The following PDZD2 variants were observed in gnomAD, a reference collection of about 807,000 sequenced individuals.
PDZD2 encodes PDZ domain containing 2.
In PDZD2, 90 loss-of-function variants were observed where a neutral mutation model predicts 220.7. That is an observed-to-expected ratio of 0.41 (90% CI 0.34 to 0.49). The LOEUF (loss-of-function observed/expected upper bound fraction) is 0.49, where lower values mean the gene tolerates loss of function less well. Among genes scored for constraint, PDZD2 ranks in the 20% least tolerant of loss-of-function variants. The pLI is 0.28. For missense variants in PDZD2, 3,174 were observed against 3,608.5 expected (o/e 0.88, Z 3.08); for synonymous variants, 1,375 against 1,450.5 (o/e 0.95, Z 1.18).
intron 2 of PDZD2, among the ~76,000 whole-genome samples, chr5:31,940,632 T>TTTG (rs1233868978): frequency 3.3e-5 from 5 of 152,248 alleles, no homozygotes; most frequent in African/African-American, 4.8e-5. Context: ...GGTTGTCAGG[T>TTTG]AGCCTAAAGC....
chr5:32,008,970 G>A (rs546880779), intron 5 of PDZD2, among the ~76,000 whole-genome samples: 1 of 152,224 alleles, frequency 6.6e-6, no homozygotes, highest in African/African-American at 2.4e-5. Context: ...GGTTTGGAAG[G>A]CAGTATGGCA....
In PDZD2 at chr5:31,986,522, C is replaced by T. The variant is rs147789485; in HGVS notation, c.978+2866C>T. 4.4e-3 allele frequency among the ~76,000 whole-genome samples: 662 copies of T among 152,150 alleles called. 3 individuals carry two copies. Among genetic ancestry groups the T allele is most frequent in the African/African-American group, 0.015 (627 of 41,492 alleles). Reference sequence around the variant, plus strand: ...ATTCTGATGGCACCAAAATTGGAACCAATAGACCTTCATACAAGATTGTTT... The same window carrying T: ...ATTCTGATGGCACCAAAATTGGAACTAATAGACCTTCATACAAGATTGTTT... On this transcript the variant is annotated intron_variant, in intron 3 of 24. Coordinates refer to ENST00000438447, the MANE Select transcript of PDZD2 (RefSeq NM_178140.4).
At chr5:31,990,185 G>A (rs927191744) in intron 3 of PDZD2, among the ~76,000 whole-genome samples, 14 of 152,308 alleles carry the variant, frequency 9.2e-5, no homozygotes, top group Admixed American at 5.9e-4. Context: ...ATGGGGCAAA[G>A]TTGCTGTTAT....
At position 32,059,420 on chromosome 5, in the gene PDZD2, G is replaced by A. The variant is rs770067076; in HGVS notation, c.2318+64G>A. The A allele has an allele frequency of 3.8e-6, 3 of 798,544 alleles. No individual in the cohort carries two copies. In the African/African-American group the frequency reaches 5.2e-5, roughly 14 times the overall value. 49.5% of individuals were successfully genotyped at this position (798,544 alleles called of 1,614,324 possible). On this transcript the variant is annotated intron_variant, in intron 13 of 24. Coordinates refer to ENST00000438447, the MANE Select transcript of PDZD2 (RefSeq NM_178140.4). ...TCATAAATATGAAATATACACGTGTGATATTTGTTCTATTACTTCCCTTTG... is the reference window on the plus strand; with the variant it reads ...TCATAAATATGAAATATACACGTGTAATATTTGTTCTATTACTTCCCTTTG...
intron 21 of PDZD2, among the ~76,000 whole-genome samples, chr5:32,093,360 C>G (rs893853545): frequency 6.6e-6 from 1 of 152,134 alleles, no homozygotes; most frequent in Admixed American, 6.5e-5. Flanking sequence ...TCGGAAATAC[C>G]TCTCGCCACC....
chr5:31,696,136 G>C (rs1747367474), intron 1 of PDZD2, among the ~76,000 whole-genome samples: 2 of 152,106 alleles, frequency 1.3e-5, no homozygotes, highest in Non-Finnish European at 2.9e-5. Context: ...GGAATAGTGA[G>C]AGAAAGGTCC....
chr5:32,024,674 C>T lies in PDZD2; in HGVS notation c.1408-12557C>T, dbSNP rs191238170. Among the ~76,000 whole-genome samples, 6 of 52,726 alleles carry T rather than the reference C, an allele frequency of 1.1e-4. No homozygotes were observed. The East Asian group carries it at 1.8e-3, about 16-fold the overall frequency. The allele number at this position is 52,726 out of a possible 152,430, so 34.6% of individuals were successfully genotyped here. A position where few individuals can be genotyped will look rare whatever the true frequency, so the allele number is the denominator to read the frequency against. On this transcript the variant is annotated intron_variant, in intron 6 of 24. Transcript: ENST00000438447. ...CTCCAGCCTAGGCGACAGGGCAAGA[C>T]TTCATCTCAAAAAAAAAAAGAAAGA...
At chr5:32,100,174 T>A (rs1323162470) in intron 23 of PDZD2, 1 of 153,508 alleles carries the variant, frequency 6.5e-6, no homozygotes, top group African/African-American at 2.4e-5. Context: ...TAAATGTCCT[T>A]CAGACCCTGT....
At chr5:31,885,359 T>C (rs973498019) in intron 2 of PDZD2, among the ~76,000 whole-genome samples, 3 of 152,076 alleles carry the variant, frequency 2.0e-5, no homozygotes, top group Non-Finnish European at 4.4e-5. Context: ...TTGTATACTG[T>C]CAGAGTGAGA....
intron 6 of PDZD2, among the ~76,000 whole-genome samples, 157 bp from the exon 7 acceptor site, chr5:32,037,074 C>T (rs1271212174): frequency 1.3e-5 from 2 of 152,208 alleles, no homozygotes; most frequent in East Asian, 3.9e-4. Context: ...GCGAATGCAG[C>T]TTATCTGAAG....
At chr5:31,749,423 ATTTT>A (rs34580721) in intron 1 of PDZD2, among the ~76,000 whole-genome samples, 85 of 140,014 alleles carry the variant, frequency 6.1e-4, no homozygotes, top group Non-Finnish European at 4.6e-4. Context: ...TCACTGTGTG[ATTTT>A]TTTTTTTTTT....
chr5:32,012,217 G>A (rs1436716478), intron 6 of PDZD2, among the ~76,000 whole-genome samples: 6 of 151,982 alleles, frequency 3.9e-5, no homozygotes, highest in South Asian at 2.1e-4. Context: ...AGTTGTGCCC[G>A]GAGACATCTC....
chr5:31,961,506 C>A (rs1455656705), intron 2 of PDZD2, among the ~76,000 whole-genome samples: 1 of 152,074 alleles, frequency 6.6e-6, no homozygotes, highest in Non-Finnish European at 1.5e-5. Flanking sequence ...TACACTCCAA[C>A]CTGGGCAACA....
chr5:31,745,005 G>A (rs62350670), intron 1 of PDZD2, among the ~76,000 whole-genome samples: 1,822 of 152,074 alleles, frequency 0.012, 15 homozygotes, highest in Non-Finnish European at 0.019. Flanking sequence ...CCTGGGAGGC[G>A]GAGCTTGCAG....
intron 19 of PDZD2, among the ~76,000 whole-genome samples, chr5:32,082,745 C>G (rs189260127): frequency 1.3e-5 from 2 of 152,226 alleles, no homozygotes; most frequent in East Asian, 3.9e-4. Context: ...TACCTACACA[C>G]ATGATTTTCC....
At chr5:32,097,196 C>T (rs1472528065) in intron 21 of PDZD2, 83 bp from the exon 22 acceptor site, 2 of 879,020 alleles carry the variant, frequency 2.3e-6, no homozygotes, top group African/African-American at 3.3e-5. Flanking sequence ...AGCTTCCTTA[C>T]TCCTGGCCCA....
At chr5:32,003,249 C>CCA (rs1561317215) in intron 5 of PDZD2, among the ~76,000 whole-genome samples, 2 of 130,720 alleles carry the variant, frequency 1.5e-5, no homozygotes. Context: ...CACACACACA[C>CCA]CACACACACA....
Position 31,740,524 on chromosome 5 carries a change from CAA to C in PDZD2, c.-360-58332_-360-58331del, listed in dbSNP as rs58965956. 3.3e-4 allele frequency among the ~76,000 whole-genome samples: 20 copies of C among 60,094 alleles called. No individual in the cohort carries two copies. In the South Asian group the frequency reaches 7.1e-3, roughly 21 times the overall value. The allele number at this position is 60,094 out of a possible 152,430, so 39.4% of individuals were successfully genotyped here. A position where few individuals can be genotyped will look rare whatever the true frequency, so the allele number is the denominator to read the frequency against. On this transcript the variant is annotated intron_variant, in intron 1 of 24. Coordinates refer to ENST00000438447, the MANE Select transcript of PDZD2 (RefSeq NM_178140.4). ...TGGGTGACAGAGCAAGACTCCGTCT[CAA>C]AAAAAAAAAAAAAAAAAAAAAAAAA...
At chr5:31,850,027 C>T (rs373387197) in intron 2 of PDZD2, among the ~76,000 whole-genome samples, 6 of 60,676 alleles carry the variant, frequency 9.9e-5, no homozygotes, top group East Asian at 7.6e-4. Flanking sequence ...CGTATATACT[C>T]ATATATACAC....
Sources: allele counts gnomAD v4.1 joint callset (sites outside exome capture counted in the v4.1 genomes callset), GRCh38; gene constraint gnomAD v4.1.1; transcripts MANE v1.5; gene names NCBI Gene and HGNC (gene_info 2026-07-23, HGNC 2026-07-21).